The following NBPF11 variants were observed in gnomAD, a reference collection of about 807,000 sequenced individuals.
NBPF11 encodes NBPF member 11.
NBPF11 carries 72 observed loss-of-function variants against 93.9 expected under a neutral mutation model. That is an observed-to-expected ratio of 0.77 (90% CI 0.63 to 0.93). The LOEUF is 0.93. NBPF11 is among the 40% of genes least tolerant of loss of function. NBPF11 has a pLI of 0.00. For synonymous variants in NBPF11, 224 were observed against 304.9 expected, an observed-to-expected ratio of 0.73 and a Z score of 2.76; for missense variants, 705 against 802.2, an observed-to-expected ratio of 0.88 and a Z score of 1.46.
At chr1:148,105,837 A>C (rs1663463382) in intron 21 of NBPF11, among the ~76,000 whole-genome samples, 2 of 140,156 alleles carry the variant, frequency 1.4e-5, no homozygotes, top group Middle Eastern at 3.2e-3. Flanking sequence ...TGAGGGAGTA[A>C]CAGGACACTC....
intron 8 of NBPF11, 63 bp downstream of exon 8, chr1:148,122,666 C>G: frequency 2.5e-6 from 4 of 1,595,554 alleles, no homozygotes; most frequent in Non-Finnish European, 3.4e-6. Context: ...CCAGAGAGGG[C>G]GTGCCTCCTA....
intron 3 of NBPF11, among the ~76,000 whole-genome samples, chr1:148,136,796 C>T (rs1261639129): frequency 1.3e-5 from 2 of 151,814 alleles, no homozygotes; most frequent in Middle Eastern, 3.2e-3. Context: ...TTTCACAGGT[C>T]GACAGAGGTA....
At chr1:148,108,946 C>G (rs1471040173) in intron 17 of NBPF11, among the ~76,000 whole-genome samples, 2 of 151,064 alleles carry the variant, frequency 1.3e-5, no homozygotes, top group Non-Finnish European at 2.9e-5. Context: ...TCAAAGGACA[C>G]TCTGTATTTG....
At position 148,149,498 on chromosome 1, in the gene NBPF11, C is replaced by T. The variant is rs1290977898; in HGVS notation, c.-549+2252G>A. On this transcript the variant is annotated intron_variant, in intron 1 of 23. Coordinates refer to ENST00000682118, the MANE Select transcript of NBPF11 (RefSeq NM_001385469.3). The stretch of plus-strand genomic sequence containing the variant: ...GGGCGCCGGGCACAACGACATCGAG[C>T]TCTACAGCCAGTACCTGGAGCGCCT... 2.1e-4 allele frequency: 335 copies of T among 1,593,146 alleles called. 11 individuals are homozygous for T. The African/African-American group carries it at 4.0e-3, about 19-fold the overall frequency.
chr1:148,115,616 G>A (rs1302085810), intron 14 of NBPF11, among the ~76,000 whole-genome samples, 177 bp downstream of exon 14: 1 of 151,784 alleles, frequency 6.6e-6, no homozygotes, highest in South Asian at 2.1e-4. Context: ...TTGATACTGG[G>A]GACTGGCAAA....
chr1:148,149,060 G>A (rs1287699984), intron 1 of NBPF11: 3 of 956,478 alleles, frequency 3.1e-6, no homozygotes, highest in East Asian at 2.7e-5. Context: ...TGAGTGGGGA[G>A]ACTGGAGGGT....
intron 17 of NBPF11, among the ~76,000 whole-genome samples, chr1:148,108,937 C>G (rs1368936237): frequency 1.3e-5 from 2 of 149,388 alleles, no homozygotes; most frequent in Non-Finnish European, 3.0e-5. Context: ...ATGAGGGAGT[C>G]AAAGGACACT....
chr1:148,109,191 A>C, intron 17 of NBPF11, 93 bp downstream of exon 17: 1 of 998,256 alleles, frequency 1.0e-6, no homozygotes, highest in South Asian at 1.3e-5. Flanking sequence ...CTGACAAGAC[A>C]AAATCATGAT....
chr1:148,147,058 A>C, intron 1 of NBPF11: 1 of 913,492 alleles, frequency 1.1e-6, no homozygotes, highest in South Asian at 1.7e-5. Context: ...ACAGGGCCAG[A>C]GAGCCGGACA....
chr1:148,105,721 G>GACACACACAC (rs781939834), intron 21 of NBPF11, among the ~76,000 whole-genome samples, 193 bp from the exon 22 acceptor site: 1,557 of 94,858 alleles, frequency 0.016, 13 homozygotes, highest in Middle Eastern at 0.045. Flanking sequence ...GAGAAAGACA[G>GACACACACAC]ACACACACAC....
intron 17 of NBPF11, 67 bp from the exon 18 acceptor site, chr1:148,108,721 T>C: frequency 1.3e-5 from 10 of 786,538 alleles, no homozygotes; most frequent in Non-Finnish European, 2.3e-5. Flanking sequence ...CCCAGCTAGA[T>C]TTCATGGCTA....
At chr1:148,121,936 C>G in intron 9 of NBPF11, 119 bp downstream of exon 9, 2 of 881,878 alleles carry the variant, frequency 2.3e-6, no homozygotes, top group East Asian at 2.4e-5. Flanking sequence ...GTCACAGCAC[C>G]TAGCTCCATC....
intron 4 of NBPF11, among the ~76,000 whole-genome samples, chr1:148,134,295 C>A (rs1479009689): frequency 2.2e-4 from 34 of 151,674 alleles, no homozygotes; most frequent in African/African-American, 8.3e-4. Context: ...ACAGATGCAG[C>A]TATTGTCAGA....
At chr1:148,125,406 G>A (rs1216257253) in intron 5 of NBPF11, among the ~76,000 whole-genome samples, 1 of 151,892 alleles carries the variant, frequency 6.6e-6, no homozygotes. Context: ...TGGGACTGAT[G>A]GTTTCCCTTT....
intron 1 of NBPF11, chr1:148,146,704 G>T (rs1425614186): frequency 4.3e-6 from 7 of 1,611,820 alleles, no homozygotes; most frequent in Non-Finnish European, 2.5e-6. Flanking sequence ...CTGCATGTAT[G>T]TTCGCTGCGT....
At chr1:148,127,728 T>C (rs1165633114) in intron 4 of NBPF11, among the ~76,000 whole-genome samples, 2 of 143,334 alleles carry the variant, frequency 1.4e-5, no homozygotes, top group Non-Finnish European at 3.0e-5. Context: ...CTGCAAGCTC[T>C]GCCTCCCAGG....
rs1424013198 is a variant in NBPF11, at chr1:148,134,082, C to T, written c.-36+1590G>A. 2.0e-5 allele frequency among the ~76,000 whole-genome samples: 3 copies of T among 152,060 alleles called. No homozygotes were observed. The East Asian group carries it at 5.8e-4, about 29-fold the overall frequency. On this transcript the variant is annotated intron_variant, in intron 4 of 23. Coordinates refer to ENST00000682118, the MANE Select transcript of NBPF11 (RefSeq NM_001385469.3). ...GGCAAATCCATGCAGCATCTCCCGC[C>T]ATGACCTCCAGCCTGTAGAGGAGAG...
chr1:148,103,668 C>G lies in NBPF11; in HGVS notation c.*228G>C. The G allele has an allele frequency of 6.2e-7, 1 of 1,611,184 alleles. No individual in the cohort carries two copies. ...ACACCTCTCGGCTTAGTAAGGGCTG[C>G]TTATTGTGGGAATATGACTCCCATC... On this transcript the variant is annotated 3_prime_UTR_variant, in exon 24 of 24. Transcript: ENST00000682118.
intron 1 of NBPF11, chr1:148,146,434 T>C: frequency 1.2e-6 from 2 of 1,604,148 alleles, no homozygotes; most frequent in Admixed American, 3.3e-5. Flanking sequence ...CTGCCTCTTC[T>C]GCTGCCCTCC....
Sources: allele counts gnomAD v4.1 joint callset (sites outside exome capture counted in the v4.1 genomes callset), GRCh38; gene constraint gnomAD v4.1.1; transcripts MANE v1.5; gene names NCBI Gene and HGNC (gene_info 2026-07-23, HGNC 2026-07-21).